The following CD4 variants were observed in gnomAD, a reference collection of about 807,000 sequenced individuals.
CD4 encodes the protein CD4 molecule.
CD4 carries 25 observed loss-of-function variants against 50.5 expected under a neutral mutation model. That is an observed-to-expected ratio of 0.49 (90% confidence interval 0.36 to 0.69). CD4 has a LOEUF of 0.69. CD4 is among the 30% of genes least tolerant of loss of function. The pLI is 0.00. For synonymous variants in CD4, 207 were observed against 221.9 expected (o/e 0.93, Z 0.60); for missense variants, 456 against 548.5 (o/e 0.83, Z 1.68).
chr12:6,807,758 A>G (rs185072604), intron 3 of CD4, among the ~76,000 whole-genome samples: 17 of 152,334 alleles, frequency 1.1e-4, no homozygotes, highest in Admixed American at 1.0e-3. Flanking sequence ...TACAACTGCA[A>G]GTGAATCTAC....
At chr12:6,797,580 T>G (rs568847805) in intron 1 of CD4, among the ~76,000 whole-genome samples, 15 of 152,248 alleles carry the variant, frequency 9.9e-5, no homozygotes, top group African/African-American at 3.6e-4. Flanking sequence ...CAGTATTTAT[T>G]GATCACTATC....
intron 1 of CD4, among the ~76,000 whole-genome samples, chr12:6,799,831 C>G (rs1486275934): frequency 3.3e-5 from 5 of 152,150 alleles, no homozygotes; most frequent in African/African-American, 1.2e-4. Context: ...TGGTTTGGAT[C>G]TAGCCAGCCA....
In CD4 at chr12:6,820,265, C is replaced by G. The variant is rs28990970; in HGVS notation, c.*936C>G. On this transcript the variant is annotated 3_prime_UTR_variant, in exon 10 of 10. Coordinates refer to ENST00000011653, the MANE Select transcript of CD4 (RefSeq NM_000616.5). ...TTTACGAGCAGGGATGAAGGCCTCCCTGTCTAAAATCCCTCCTTCATCCCC... is the reference window on the plus strand; with the variant it reads ...TTTACGAGCAGGGATGAAGGCCTCCGTGTCTAAAATCCCTCCTTCATCCCC... 2 of 152,358 alleles carry G rather than the reference C, an allele frequency of 1.3e-5. No homozygotes were observed. Among genetic ancestry groups the G allele is most frequent in the Admixed American group, 6.5e-5 (1 of 15,302 alleles). The allele number at this position is 152,358 out of a possible 1,614,324, so 9.4% of individuals were successfully genotyped here. A position where few individuals can be genotyped will look rare whatever the true frequency, so the allele number is the denominator to read the frequency against.
chr12:6,816,285 G>T lies in CD4; in HGVS notation c.837G>T (p.Pro279=). The change falls in exon 6 of 10, where the codon CCG becomes CCT. Residue 279 remains proline, a synonymous_variant. Transcript: ENST00000011653. This position sits in a 1 kb window ranked among gnomAD's most constrained non-coding sequence, Gnocchi z 4.9. ...AGCTCCAGATGGGCAAGAAGCTCCC[G>T]CTCCACCTCACCCTGCCCCAGGCCT... ...DPKLQMGKKL[P]LHLTLPQALP... 1.2e-6 allele frequency: 2 copies of T among 1,614,172 alleles called. No homozygotes were observed. Among genetic ancestry groups the T allele is most frequent in the Non-Finnish European group, 1.7e-6 (2 of 1,180,008 alleles).
At chr12:6,797,553 T>A (rs968014489) in intron 1 of CD4, among the ~76,000 whole-genome samples, 1 of 152,124 alleles carries the variant, frequency 6.6e-6, no homozygotes, top group African/African-American at 2.4e-5. Flanking sequence ...GCACCGGTGC[T>A]GGTCTCTGAG....
In CD4 at chr12:6,818,970, A is replaced by AGAGAGGAGGGGGAG. The variant is rs1943194345; in HGVS notation, c.1346+59_1346+72dup. On this transcript the variant is annotated intron_variant, in intron 9 of 9. Coordinates refer to ENST00000011653, the MANE Select transcript of CD4 (RefSeq NM_000616.5). This position sits in a 1 kb window ranked among gnomAD's most constrained non-coding sequence, Gnocchi z 5.0. Reference sequence around the variant, plus strand: ...GGGAAAGGGGGAGGGGGAGGGAGTTAGAGAGGAGGGGGAGGAAGGGGAGCA... The same window carrying AGAGAGGAGGGGGAG: ...GGGAAAGGGGGAGGGGGAGGGAGTTAGAGAGGAGGGGGAGGAGAGGAGGGGGAGGAAGGGGAGCA... 1.6e-6 allele frequency: 1 copy of AGAGAGGAGGGGGAG among 611,376 alleles called. No individual in the cohort carries two copies. Among genetic ancestry groups the AGAGAGGAGGGGGAG allele is most frequent in the African/African-American group, 2.2e-5 (1 of 46,444 alleles). The allele number at this position is 611,376 out of a possible 1,614,324, so 37.9% of individuals were successfully genotyped here. A position where few individuals can be genotyped will look rare whatever the true frequency, so the allele number is the denominator to read the frequency against.
At chr12:6,808,025 AGCCGAGATCAC>A (rs1942818151) in intron 3 of CD4, among the ~76,000 whole-genome samples, 1 of 141,154 alleles carries the variant, frequency 7.1e-6, no homozygotes, top group African/African-American at 2.7e-5. Context: ...GGTTGCAGTG[AGCCGAGATCAC>A]GCCACTACAC....
intron 1 of CD4, among the ~76,000 whole-genome samples, chr12:6,793,798 C>T (rs140838913): frequency 0.018 from 2,673 of 150,888 alleles, 76 homozygotes; most frequent in African/African-American, 0.061. Context: ...TACAGGCGCC[C>T]GCCACCATCC....
In CD4 at chr12:6,816,193, A is replaced by G; in HGVS notation, c.745A>G (p.Lys249Glu). ...GCAGGCGGAGAGGGCTTCCTCCTCCAAGTCTTGGATCACCTTTGACCTGAA... is the reference window on the plus strand; with the variant it reads ...GCAGGCGGAGAGGGCTTCCTCCTCCGAGTCTTGGATCACCTTTGACCTGAA... ...WWQAERASSS[K>E]SWITFDLKNK... The change falls in exon 6 of 10, where the codon AAG becomes GAG. Residue 249 changes from lysine (K) to glutamate (E), a missense_variant. Lys to Glu is a moderately conservative substitution (Grantham distance 56). Transcript: ENST00000011653. This position sits in a 1 kb window ranked among gnomAD's most constrained non-coding sequence, Gnocchi z 4.9. 6.2e-7 allele frequency: 1 copy of G among 1,614,160 alleles called. No individual in the cohort carries two copies. The highest frequency in any genetic ancestry group is 8.5e-7 in the Non-Finnish European group (1 of 1,180,014).
At chr12:6,790,530 T>C (rs1942124777) in intron 1 of CD4, among the ~76,000 whole-genome samples, 1 of 152,178 alleles carries the variant, frequency 6.6e-6, no homozygotes, top group African/African-American at 2.4e-5. Context: ...AAGAAACGGA[T>C]TCGAAAAGAA....
chr12:6,805,518 T>A (rs10849520), intron 3 of CD4, among the ~76,000 whole-genome samples: 2 of 149,852 alleles, frequency 1.3e-5, no homozygotes, highest in Non-Finnish European at 3.0e-5. Flanking sequence ...CCAAGACTGT[T>A]CCACTGCACT....
Position 6,820,727 on chromosome 12 carries a change from T to A in CD4, c.*1398T>A, listed in dbSNP as rs190312260. 2.6e-5 allele frequency: 4 copies of A among 152,388 alleles called. No homozygotes were observed. The highest frequency in any genetic ancestry group is 9.6e-5 in the African/African-American group (4 of 41,492). 9.4% of individuals were successfully genotyped at this position (152,388 alleles called of 1,614,324 possible). On this transcript the variant is annotated 3_prime_UTR_variant, in exon 10 of 10. Transcript: ENST00000011653. ...CCCTATTGCTGCTGGGGCTCCCCAT[T>A]TGCTTACTTTGCATTTGTGCCCACT...
intron 1 of CD4, among the ~76,000 whole-genome samples, chr12:6,797,442 G>A (rs1051477003): frequency 1.9e-4 from 29 of 152,130 alleles, no homozygotes; most frequent in African/African-American, 3.6e-4. Context: ...GGTATTTCTC[G>A]CAAGGTGGAG....
rs1469406142 is a variant in CD4, at chr12:6,798,263, G to A, written c.-67-1809G>A. Among the ~76,000 whole-genome samples the A allele has an allele frequency of 6.8e-5, 6 of 87,998 alleles. 2 individuals are homozygous for A. The highest frequency in any genetic ancestry group is 3.1e-4 in the Admixed American group (3 of 9,818). 57.7% of individuals were successfully genotyped at this position (87,998 alleles called of 152,430 possible). On this transcript the variant is annotated intron_variant, in intron 1 of 9. Transcript: ENST00000011653. The stretch of plus-strand genomic sequence containing the variant: ...CGGCTCACTGCCACCTCTGCCTCCC[G>A]GGTTCACGCCATTCTCCTGCCTCAG...
intron 1 of CD4, among the ~76,000 whole-genome samples, chr12:6,797,274 C>T (rs766526940): frequency 4.6e-5 from 7 of 151,960 alleles, no homozygotes; most frequent in Non-Finnish European, 7.4e-5. Flanking sequence ...GTCTGCCAAG[C>T]GCACAGGAAA....
chr12:6,817,135 C>G lies in CD4; in HGVS notation c.961C>G (p.Gln321Glu). 1.2e-6 allele frequency: 2 copies of G among 1,613,410 alleles called. No homozygotes were observed. The highest frequency in any genetic ancestry group is 1.7e-6 in the Non-Finnish European group (2 of 1,179,294). ...AGCCTCTCGTTCCTCTGCAGCCACT[C>G]AGCTCCAGAAAAATTTGACCTGTGA... ...EVNLVVMRAT[Q>E]LQKNLTCEVW... The change falls in exon 7 of 10, where the codon CAG (glutamine) becomes GAG (glutamate). Residue 321 changes from glutamine to glutamate, a missense_variant. Transcript: ENST00000011653.
chr12:6,810,284 T>C (rs1942899933), intron 3 of CD4, among the ~76,000 whole-genome samples: 1 of 152,252 alleles, frequency 6.6e-6, no homozygotes, highest in Non-Finnish European at 1.5e-5. Flanking sequence ...CATATTATCT[T>C]GCCATAGCTT....
At chr12:6,809,958 C>T (rs1019655422) in intron 3 of CD4, among the ~76,000 whole-genome samples, 3 of 147,126 alleles carry the variant, frequency 2.0e-5, no homozygotes, top group Non-Finnish European at 3.0e-5. Context: ...GGCGCGATCT[C>T]GGCTCACTGC....
Position 6,815,683 on chromosome 12 carries a change from C to T in CD4, c.608-373C>T, listed in dbSNP as rs781787913. ...ATACGTAAGGCACTGAAAATGGTGC[C>T]TGGCACAGAGTAAGCCCTAGTTAAG... On this transcript the variant is annotated intron_variant, in intron 5 of 9. Transcript: ENST00000011653. 90 of 1,289,834 alleles carry T rather than the reference C, an allele frequency of 7.0e-5. No individual in the cohort carries two copies. The African/African-American group carries it at 1.3e-3, about 19-fold the overall frequency. The allele number at this position is 1,289,834 out of a possible 1,614,324, so 79.9% of individuals were successfully genotyped here.
Sources: allele counts gnomAD v4.1 joint callset (sites outside exome capture counted in the v4.1 genomes callset), GRCh38; gene constraint gnomAD v4.1.1; non-coding constraint Gnocchi (gnomAD v3.1); transcripts MANE v1.5; gene names NCBI Gene and HGNC (gene_info 2026-07-23, HGNC 2026-07-21).